The following L3MBTL4 variants were observed in gnomAD, a reference collection of about 807,000 sequenced individuals.
L3MBTL4 encodes lethal(3)malignant brain tumor-like protein 4.
Under a neutral mutation model 84.5 loss-of-function variants are expected in L3MBTL4, and 70 were observed. The observed-to-expected ratio is 0.83, with a 90% CI of 0.68 to 1.01. L3MBTL4 has a LOEUF of 1.01. L3MBTL4 is among the 50% of genes least tolerant of loss of function. The probability of loss-of-function intolerance (pLI) is 0.00; values close to 1 mark genes in which losing one functional copy is unlikely to be tolerated. For synonymous variants in L3MBTL4, 274 were observed against 259.8 expected (o/e 1.05, Z -0.52); for missense variants, 715 against 754.8 (o/e 0.95, Z 0.62).
At chr18:6,079,014 A>C (rs1408921780) in intron 16 of L3MBTL4, among the ~76,000 whole-genome samples, 2 of 152,210 alleles carry the variant, frequency 1.3e-5, no homozygotes, top group Non-Finnish European at 2.9e-5. Flanking sequence ...CTGATCTGAC[A>C]GGAGGCCGAG....
chr18:6,186,224 T>C (rs1415477631), intron 12 of L3MBTL4, among the ~76,000 whole-genome samples: 1 of 151,402 alleles, frequency 6.6e-6, no homozygotes, highest in African/African-American at 2.4e-5. Context: ...TTGTATTTAG[T>C]AGAGACGAGG....
chr18:6,104,152 C>T (rs985706271), intron 14 of L3MBTL4, among the ~76,000 whole-genome samples: 17 of 151,666 alleles, frequency 1.1e-4, no homozygotes, highest in African/African-American at 3.6e-4. Context: ...ATAATTCAGC[C>T]TCTTTAGAAA....
Position 6,408,373 on chromosome 18 carries a change from C to T in L3MBTL4, c.-91+6428G>A, listed in dbSNP as rs1320458529. On this transcript the variant is annotated intron_variant, in intron 1 of 18. Coordinates refer to ENST00000317931, the MANE Select transcript of L3MBTL4 (RefSeq NM_001330559.2). ...CAGCTAATTATATAGCTGACCCCACCAGCAAGAGCTTATAAATTGTGGACC... is the reference window on the plus strand; with the variant it reads ...CAGCTAATTATATAGCTGACCCCACTAGCAAGAGCTTATAAATTGTGGACC... 2.0e-5 allele frequency among the ~76,000 whole-genome samples: 3 copies of T among 152,200 alleles called. No homozygotes were observed. The East Asian group carries it at 5.8e-4, about 29-fold the overall frequency.
intron 17 of L3MBTL4, among the ~76,000 whole-genome samples, chr18:5,964,530 C>A (rs937908355): frequency 6.6e-6 from 1 of 151,734 alleles, no homozygotes; most frequent in African/African-American, 2.4e-5. Flanking sequence ...TCTAAGGGCC[C>A]AATTGTATAA....
At chr18:6,414,999 G>T (rs2056140386), upstream of L3MBTL4, 1 of 151,926 alleles carries the variant, frequency 6.6e-6, no homozygotes, top group African/African-American at 2.4e-5. This position sits in a 1 kb window ranked among gnomAD's most constrained non-coding sequence, Gnocchi z 5.4. Context: ...CGCCGCACCT[G>T]CCTCGCTCAG....
At chr18:6,231,167 G>C (rs2046984327) in intron 10 of L3MBTL4, among the ~76,000 whole-genome samples, 1 of 151,980 alleles carries the variant, frequency 6.6e-6, no homozygotes, top group Non-Finnish European at 1.5e-5. Context: ...CTATATCCAG[G>C]ATGGTATTTC....
intron 12 of L3MBTL4, among the ~76,000 whole-genome samples, chr18:6,179,890 A>G (rs992780113): frequency 2.6e-5 from 4 of 152,164 alleles, no homozygotes; most frequent in Admixed American, 6.6e-5. Context: ...CTCCTGCCTC[A>G]GCCTCCCAAA....
At chr18:6,036,566 T>C (rs1410598430) in intron 16 of L3MBTL4, among the ~76,000 whole-genome samples, 2 of 152,204 alleles carry the variant, frequency 1.3e-5, no homozygotes, top group African/African-American at 4.8e-5. Context: ...TTGAAGACAG[T>C]TGCTTTAAAG....
intron 9 of L3MBTL4, 37 bp from the exon 10 acceptor site, chr18:6,238,077 C>T (rs2047291711): frequency 6.4e-7 from 1 of 1,557,026 alleles, no homozygotes. Context: ...TTCCGTTTTA[C>T]TTCATGCCAG....
At chr18:6,124,141 AG>A (rs1312872833) in intron 14 of L3MBTL4, among the ~76,000 whole-genome samples, 1 of 152,232 alleles carries the variant, frequency 6.6e-6, no homozygotes, top group Non-Finnish European at 1.5e-5. Context: ...CATTCATTCA[AG>A]TGATTTTCCT....
chr18:6,093,561 A>G, intron 14 of L3MBTL4, 33 bp from the exon 15 acceptor site: 1 of 1,555,224 alleles, frequency 6.4e-7, no homozygotes, highest in Admixed American at 2.0e-5. Context: ...CACAGTCATC[A>G]GTATACAGTG....
chr18:6,280,981 TA>T (rs2049295959), intron 4 of L3MBTL4, among the ~76,000 whole-genome samples: 1 of 151,882 alleles, frequency 6.6e-6, no homozygotes, highest in Admixed American at 6.6e-5. Context: ...TACAGAACTG[TA>T]AGATAATAAA....
At chr18:5,976,098 T>C (rs1323858777) in intron 16 of L3MBTL4, among the ~76,000 whole-genome samples, 1 of 152,164 alleles carries the variant, frequency 6.6e-6, no homozygotes, top group Non-Finnish European at 1.5e-5. Flanking sequence ...CCCACACCTG[T>C]GTACTATCCA....
intron 12 of L3MBTL4, among the ~76,000 whole-genome samples, chr18:6,192,985 G>A (rs1000149809): frequency 3.9e-5 from 6 of 152,100 alleles, no homozygotes; most frequent in Admixed American, 1.3e-4. Flanking sequence ...TACAATCAAC[G>A]GATTAGAGGC....
At position 6,272,841 on chromosome 18, in the gene L3MBTL4, T is replaced by A. The variant is rs73941303; in HGVS notation, c.128-8803A>T. Among the ~76,000 whole-genome samples, 9 of 68,616 alleles carry A rather than the reference T, an allele frequency of 1.3e-4. 1 individual carries two copies. In the East Asian group the frequency reaches 3.4e-3, roughly 26 times the overall value. The allele number at this position is 68,616 out of a possible 152,430, so 45.0% of individuals were successfully genotyped here. ...GCATTAAACTGGTGGTTCTACAGAG[T>A]GGTGCCTTCAGGAGCATGGGGAAAG... On this transcript the variant is annotated intron_variant, in intron 4 of 18. Transcript: ENST00000317931.
At chr18:6,290,147 C>T (rs1160513003) in intron 4 of L3MBTL4, among the ~76,000 whole-genome samples, 1 of 152,114 alleles carries the variant, frequency 6.6e-6, no homozygotes, top group African/African-American at 2.4e-5. Context: ...ATCTCCTGGG[C>T]TCAAACGATC....
intron 4 of L3MBTL4, among the ~76,000 whole-genome samples, chr18:6,297,902 T>G (rs1361787790): frequency 6.6e-6 from 1 of 152,220 alleles, no homozygotes; most frequent in Non-Finnish European, 1.5e-5. Flanking sequence ...ACTACATACT[T>G]GTCTACACAC....
chr18:6,126,200 T>C (rs1306782837), intron 14 of L3MBTL4, among the ~76,000 whole-genome samples: 1 of 152,210 alleles, frequency 6.6e-6, no homozygotes, highest in Non-Finnish European at 1.5e-5. Flanking sequence ...CTATAAGTGG[T>C]TTTTATTTAT....
At chr18:6,116,609 C>T (rs1405956872) in intron 14 of L3MBTL4, among the ~76,000 whole-genome samples, 1 of 152,068 alleles carries the variant, frequency 6.6e-6, no homozygotes, top group Non-Finnish European at 1.5e-5. Flanking sequence ...GGTGATCCAC[C>T]TGCCTCGGCT....
Sources: allele counts gnomAD v4.1 joint callset (sites outside exome capture counted in the v4.1 genomes callset), GRCh38; gene constraint gnomAD v4.1.1; non-coding constraint Gnocchi (gnomAD v3.1); transcripts MANE v1.5; gene names NCBI Gene and HGNC (gene_info 2026-07-23, HGNC 2026-07-21).